The following ATP13A1 variants were observed in gnomAD, a reference collection of about 807,000 sequenced individuals.
The protein encoded by ATP13A1 is endoplasmic reticulum transmembrane helix translocase.
In ATP13A1, 55 loss-of-function variants were observed where a neutral mutation model predicts 134.8. The observed-to-expected ratio is 0.41, with a 90% CI of 0.33 to 0.51. The LOEUF (loss-of-function observed/expected upper bound fraction) is 0.51, where lower values mean the gene tolerates loss of function less well. Ranked by LOEUF, ATP13A1 falls within the 20% of genes least tolerant of loss-of-function variation. ATP13A1 has a pLI of 0.29. For synonymous variants in ATP13A1, 775 were observed against 725.1 expected (o/e 1.07, Z -1.10); for missense variants, 1,389 against 1,652.8 (o/e 0.84, Z 2.77).
rs1452118828 is a variant in ATP13A1 at position 19,656,669 on chromosome 19, T to G, written c.1074A>C (p.Pro358=). The G allele has an allele frequency of 6.2e-7, 1 of 1,613,436 alleles. No individual in the cohort carries two copies. Among genetic ancestry groups the G allele is most frequent in the Non-Finnish European group, 8.5e-7 (1 of 1,179,668 alleles). Residue 358 remains proline (P), a synonymous_variant, in exon 7 of 26, where the codon CCA becomes CCC. Coordinates refer to ENST00000357324, the MANE Select transcript of ATP13A1 (RefSeq NM_020410.3). This position sits in a 1 kb window ranked among gnomAD's most constrained non-coding sequence, Gnocchi z 4.6. ...DEAMLTGESV[P]QMKEPIEDLS... ...ATCCTCCACCAAGTACCTTCATCTGTGGCACGGACTCCCCCGTGAGCATGG... is the reference window on the plus strand; with the variant it reads ...ATCCTCCACCAAGTACCTTCATCTGGGGCACGGACTCCCCCGTGAGCATGG...
chr19:19,649,425 CCT>C, intron 19 of ATP13A1, 140 bp downstream of exon 19: 1 of 886,988 alleles, frequency 1.1e-6, no homozygotes, highest in Non-Finnish European at 1.8e-6. Flanking sequence ...CCTCAAAGCC[CCT>C]GACCTTGCCA....
intron 12 of ATP13A1, 24 bp from the exon 13 acceptor site, chr19:19,654,724 T>A (rs1180047815): frequency 6.2e-6 from 10 of 1,601,350 alleles, no homozygotes; most frequent in Non-Finnish European, 8.5e-6. Flanking sequence ...GAACAGCTGG[T>A]TACAGAGTGC....
At chr19:19,652,366 A>G (rs1465921353) in intron 16 of ATP13A1, among the ~76,000 whole-genome samples, 2 of 152,246 alleles carry the variant, frequency 1.3e-5, no homozygotes, top group South Asian at 2.1e-4. Context: ...CCATCTTCCC[A>G]TGATGCGGGG....
In ATP13A1 at chr19:19,645,527, C is replaced by T; in HGVS notation, c.3510G>A (p.Lys1170=). Residue 1170 remains lysine, a synonymous_variant, in exon 26 of 26, where the codon AAG becomes AAA. Coordinates refer to ENST00000357324, the MANE Select transcript of ATP13A1 (RefSeq NM_020410.3). This position sits in a 1 kb window ranked among gnomAD's most constrained non-coding sequence, Gnocchi z 4.1. ...FGLVDIPVEF[K]LVIAQVLLLD... ...GGAGCAGGACCTGGGCAATGACCAG[C>T]TTGAACTGTCGGGGCAGGGAGGGAT... 1.3e-6 allele frequency: 2 copies of T among 1,599,080 alleles called. No individual in the cohort carries two copies. The highest frequency in any genetic ancestry group is 1.7e-6 in the Non-Finnish European group (2 of 1,173,126).
Position 19,663,437 on chromosome 19 carries a change from G to A in ATP13A1, c.230C>T (p.Ala77Val), listed in dbSNP as rs777536607. 1 of 1,563,400 alleles carries A rather than the reference G, an allele frequency of 6.4e-7. No individual in the cohort carries two copies. The highest frequency in any genetic ancestry group is 8.6e-7 in the Non-Finnish European group (1 of 1,157,596). Residue 77 changes from alanine to valine, a missense_variant, in exon 1 of 26, where the codon GCC (alanine) becomes GTC (valine). Physicochemically the swap from Ala to Val is moderately conservative, Grantham distance 64. Coordinates refer to ENST00000357324, the MANE Select transcript of ATP13A1 (RefSeq NM_020410.3). ...VLPFAGLLYP[A>V]WLGAAAAGCW... ...GCCAGCGGCTGCGGCACCCAACCAG[G>A]CCGGGTAAAGCAGCCCGGCGAATGG...
At position 19,655,127 on chromosome 19, in the gene ATP13A1, G is replaced by A. The variant is rs374998862; in HGVS notation, c.1647C>T (p.Ala549=). The change falls in exon 12 of 26, where the codon GCC becomes GCT. Residue 549 remains alanine, a synonymous_variant. Coordinates refer to ENST00000357324, the MANE Select transcript of ATP13A1 (RefSeq NM_020410.3). This position sits in a 1 kb window ranked among gnomAD's most constrained non-coding sequence, Gnocchi z 5.7. The part of the protein sequence containing the change: ...TSDSLVVRGV[A]GLRDGKEVTP... ...GGGCCCCTGATGCTTACCTCAGCCC[G>A]GCCACACCGCGCACCACCAGGCTGT... 8.3e-5 allele frequency: 134 copies of A among 1,613,686 alleles called. No individual in the cohort carries two copies. The highest frequency in any genetic ancestry group is 2.0e-4 in the African/African-American group (15 of 74,904).
chr19:19,647,718 G>T lies in ATP13A1; in HGVS notation c.2674C>A (p.Arg892=), dbSNP rs762199597. The part of the protein sequence containing the change: ...LANAPERVVE[R]RRRPRDSPTL... ...GGGCTGTCCCGGGGCCGCCGTCGCC[G>T]CTCGACAACCCGCTCAGGGGCATTG... The change falls in exon 20 of 26, where the codon CGG becomes AGG. Residue 892 remains arginine (R), a synonymous_variant. Coordinates refer to ENST00000357324, the MANE Select transcript of ATP13A1 (RefSeq NM_020410.3). This position sits in a 1 kb window ranked among gnomAD's most constrained non-coding sequence, Gnocchi z 4.8. The T allele has an allele frequency of 1.2e-6, 2 of 1,607,510 alleles. No individual in the cohort carries two copies. The highest frequency in any genetic ancestry group is 1.7e-5 in the Admixed American group (1 of 59,578).
chr19:19,655,430 G>T lies in ATP13A1; in HGVS notation c.1420C>A (p.Arg474Ser), dbSNP rs1217067774. The T allele has an allele frequency of 6.2e-7, 1 of 1,613,974 alleles. No individual in the cohort carries two copies. The highest frequency in any genetic ancestry group is 8.5e-7 in the Non-Finnish European group (1 of 1,179,882). Residue 474 changes from arginine (R) to serine (S), a missense_variant, in exon 11 of 26, where the codon CGC (arginine) becomes AGC (serine). Physicochemically the swap from Arg to Ser is moderately radical, Grantham distance 110. Transcript: ENST00000357324. The surrounding 1 kb of genome is among the most constrained non-coding windows in gnomAD (Gnocchi z 5.7). ...IEGTKDPSRN[R>S]YKLFLECTLI... ...GTGCACTCCAGAAACAGCTTGTAGCGGTTCCGGCTGGGGTCCTTGGTACCT... is the reference window on the plus strand; with the variant it reads ...GTGCACTCCAGAAACAGCTTGTAGCTGTTCCGGCTGGGGTCCTTGGTACCT...
intron 16 of ATP13A1, among the ~76,000 whole-genome samples, chr19:19,652,238 A>G (rs1456620479): frequency 2.0e-5 from 3 of 152,080 alleles, no homozygotes; most frequent in Non-Finnish European, 1.5e-5. Flanking sequence ...CCAAAATAGA[A>G]AACACAAGCC....
chr19:19,656,629 A>G lies in ATP13A1; in HGVS notation c.1083+31T>C. 6.2e-7 allele frequency: 1 copy of G among 1,602,452 alleles called. No individual in the cohort carries two copies. Among genetic ancestry groups the G allele is most frequent in the Non-Finnish European group, 8.5e-7 (1 of 1,173,760 alleles). On this transcript the variant is annotated intron_variant, in intron 7 of 25. Transcript: ENST00000357324. This position sits in a 1 kb window ranked among gnomAD's most constrained non-coding sequence, Gnocchi z 4.6. ...CCTCCTGGCCTGTTTCCTCCTGAAC[A>G]GCTTGAGGATCCCCATCCTCCACCA...
rs747067302 is a variant in ATP13A1 at position 19,656,887 on chromosome 19, A to C, written c.936T>G (p.Ile312Met). 8 of 1,612,454 alleles carry C rather than the reference A, an allele frequency of 5.0e-6. No homozygotes were observed. The highest frequency in any genetic ancestry group is 6.8e-6 in the Non-Finnish European group (8 of 1,179,426). Residue 312 changes from isoleucine (I) to methionine (M), a missense_variant, in exon 6 of 26, where the codon ATT (isoleucine) becomes ATG (methionine). Ile to Met is a conservative substitution (Grantham distance 10, BLOSUM62 1). Transcript: ENST00000357324. This position sits in a 1 kb window ranked among gnomAD's most constrained non-coding sequence, Gnocchi z 4.6. Reference sequence around the variant, plus strand: ...CCCCTGGTACGATCTCATCACTGGCAATGGGCCTCCACTTGCGGCTTCGGT... The same window carrying C: ...CCCCTGGTACGATCTCATCACTGGCCATGGGCCTCCACTTGCGGCTTCGGT... ...QVYRSRKWRP[I>M]ASDEIVPGDI... is the part of the protein sequence containing the mutation.
chr19:19,657,019 A>C lies in ATP13A1; in HGVS notation c.881T>G (p.Met294Arg), dbSNP rs1372912467. 1 of 1,581,814 alleles carries C rather than the reference A, an allele frequency of 6.3e-7. No homozygotes were observed. The highest frequency in any genetic ancestry group is 1.8e-5 in the Admixed American group (1 of 55,648). Reference sequence around the variant, plus strand: ...CTGGATCATGTGGGGCTTGTTGCCCATCTTCCGGATCTCCGACATGTTCCG... The same window carrying C: ...CTGGATCATGTGGGGCTTGTTGCCCCTCTTCCGGATCTCCGACATGTTCCG... ...QMRNMSEIRK[M>R]GNKPHMIQVY... is the part of the protein sequence containing the mutation. Residue 294 changes from methionine to arginine, a missense_variant, in exon 5 of 26, where the codon ATG becomes AGG. By Grantham distance (91) the Met-to-Arg change is moderately conservative. Coordinates refer to ENST00000357324, the MANE Select transcript of ATP13A1 (RefSeq NM_020410.3).
rs748576975 is a variant in ATP13A1, at chr19:19,653,740, C to T, written c.2100+44G>A. The T allele has an allele frequency of 2.8e-5, 41 of 1,486,158 alleles. No homozygotes were observed. Among genetic ancestry groups the T allele is most frequent in the Admixed American group, 4.0e-5 (2 of 49,966 alleles). 92.1% of individuals were successfully genotyped at this position (1,486,158 alleles called of 1,614,324 possible). ...AGGAGGTGACTCAGGGAGGAGCTGA[C>T]GGGCCAGGCACATGGTGAAGGCAGG... On this transcript the variant is annotated intron_variant, in intron 15 of 25. Coordinates refer to ENST00000357324, the MANE Select transcript of ATP13A1 (RefSeq NM_020410.3). This position sits in a 1 kb window ranked among gnomAD's most constrained non-coding sequence, Gnocchi z 4.2.
At position 19,663,538 on chromosome 19, in the gene ATP13A1, T is replaced by C; in HGVS notation, c.129A>G (p.Ile43Met). The change falls in exon 1 of 26, where the codon ATA becomes ATG. Residue 43 changes from isoleucine to methionine, a missense_variant. By Grantham distance (10) the Ile-to-Met change is conservative. This residue lies in a region of ATP13A1 where 293 missense variants were observed against 270.8 expected (regional missense o/e 1.08). Transcript: ENST00000357324. ...RALLAAGPALIANGDELVAAV... is the reference protein window; with the variant it reads ...RALLAAGPALMANGDELVAAV... ...CAGCCACCAGCTCGTCACCGTTCGC[T>C]ATGAGCGCCGGCCCGGCGGCAAGGA... is the stretch of plus-strand genomic sequence containing the variant. The C allele has an allele frequency of 9.8e-6, 15 of 1,524,102 alleles. No individual in the cohort carries two copies. Among genetic ancestry groups the C allele is most frequent in the Non-Finnish European group, 1.2e-5 (14 of 1,142,826 alleles). 94.4% of individuals were successfully genotyped at this position (1,524,102 alleles called of 1,614,324 possible).
rs577721724 is a variant in ATP13A1, at chr19:19,651,675, G to C, written c.2335+14C>G. On this transcript the variant is annotated intron_variant, in intron 17 of 25. Transcript: ENST00000357324. ...GGTCCCCCTTCCCCACTGTGGGCCAGGCTAGGGCCTCACCTTTCTCGGAGG... is the reference window on the plus strand; with the variant it reads ...GGTCCCCCTTCCCCACTGTGGGCCACGCTAGGGCCTCACCTTTCTCGGAGG... 1.9e-6 allele frequency: 3 copies of C among 1,604,032 alleles called. No homozygotes were observed. The highest frequency in any genetic ancestry group is 2.6e-6 in the Non-Finnish European group (3 of 1,174,214).
chr19:19,650,357 C>T (rs1568426417), intron 17 of ATP13A1: 1 of 188,530 alleles, frequency 5.3e-6, no homozygotes, highest in African/African-American at 2.4e-5. Flanking sequence ...TTTCTCGGGG[C>T]TGGGCCCCCT....
chr19:19,659,740 A>C lies in ATP13A1; in HGVS notation c.538T>G (p.Ser180Ala). Residue 180 changes from serine to alanine, a missense_variant, in exon 3 of 26, where the codon TCC becomes GCC. By Grantham distance (99) the Ser-to-Ala change is moderately conservative. Transcript: ENST00000357324. Reference sequence around the variant, plus strand: ...TGCTTCTTCTCCAGGGCATCGTAGGAATACTTGATCTTCTGGAATTCGAAG... The same window carrying C: ...TGCTTCTTCTCCAGGGCATCGTAGGCATACTTGATCTTCTGGAATTCGAAG... ...LSFEFQKIKY[S>A]YDALEKKQFL... The C allele has an allele frequency of 1.2e-6, 2 of 1,613,914 alleles. No individual in the cohort carries two copies. Among genetic ancestry groups the C allele is most frequent in the Non-Finnish European group, 1.7e-6 (2 of 1,179,874 alleles).
chr19:19,653,626 G>A lies in ATP13A1; in HGVS notation c.2100+158C>T, dbSNP rs534558064. Reference sequence around the variant, plus strand: ...GGGTCCCCACAGCAGTGGACAGACTGAGTGCCATTTGGAGTCTCCAAAGGT... The same window carrying A: ...GGGTCCCCACAGCAGTGGACAGACTAAGTGCCATTTGGAGTCTCCAAAGGT... On this transcript the variant is annotated intron_variant, in intron 15 of 25. Transcript: ENST00000357324. The surrounding 1 kb of genome is among the most constrained non-coding windows in gnomAD (Gnocchi z 4.2). The A allele has an allele frequency of 2.8e-3, 2,002 of 703,946 alleles. 6 individuals carry two copies. The highest frequency in any genetic ancestry group is 4.0e-3 in the Non-Finnish European group (1,724 of 427,406). The allele number at this position is 703,946 out of a possible 1,614,324, so 43.6% of individuals were successfully genotyped here.
At chr19:19,654,812 G>A (rs980087642) in intron 12 of ATP13A1, 112 bp from the exon 13 acceptor site, 2 of 1,310,368 alleles carry the variant, frequency 1.5e-6, no homozygotes, top group African/African-American at 2.9e-5. Context: ...TCACTGGGGT[G>A]GCTTGGGCGC....
Sources: allele counts gnomAD v4.1 joint callset (sites outside exome capture counted in the v4.1 genomes callset), GRCh38; gene constraint gnomAD v4.1.1; regional missense constraint gnomAD v4.1.1; non-coding constraint Gnocchi (gnomAD v3.1); transcripts MANE v1.5; gene names NCBI Gene and HGNC (gene_info 2026-07-23, HGNC 2026-07-21).